Variants in NME9 observed in about 807,000 individuals in gnomAD.
NME9 encodes thioredoxin domain-containing protein 6.
Under a neutral mutation model 44.4 loss-of-function variants are expected in NME9, and 48 were observed. The ratio of observed to expected loss-of-function variants is 1.08; its 90% CI spans 0.86 to 1.37. The LOEUF (loss-of-function observed/expected upper bound fraction) is 1.37, where lower values mean the gene tolerates loss of function less well. Ranked by LOEUF, NME9 falls within the 40% of genes most tolerant of loss-of-function variation. NME9 has a pLI of 0.00. For missense variants in NME9, 325 were observed against 405.2 expected, an observed-to-expected ratio of 0.80 and a Z score of 1.70; for synonymous variants, 139 against 147.1, an observed-to-expected ratio of 0.94 and a Z score of 0.40.
At position 138,310,998 on chromosome 3, in the gene NME9, G is replaced by A. The variant is rs183573740; in HGVS notation, c.460+3334C>T. The stretch of plus-strand genomic sequence containing the variant: ...GATTTTTTGAAAAGATAAAATCAAC[G>A]AAACTTTAGCTAGACTAAGAAAAAG... On this transcript the variant is annotated intron_variant, in intron 6 of 10. Transcript: ENST00000333911. 2.6e-4 allele frequency among the ~76,000 whole-genome samples: 39 copies of A among 152,008 alleles called. No homozygotes were observed. In the East Asian group the frequency reaches 6.6e-3, roughly 26 times the overall value.
intron 8 of NME9, chr3:138,290,664 T>G: frequency 1.3e-6 from 2 of 1,489,126 alleles, no homozygotes; most frequent in East Asian, 4.6e-5. Flanking sequence ...GAAAAGGCCT[T>G]GCTTTGGGCT....
intron 8 of NME9, among the ~76,000 whole-genome samples, chr3:138,271,794 C>G (rs181226174): frequency 1.4e-5 from 2 of 138,962 alleles, no homozygotes; most frequent in Non-Finnish European, 3.0e-5. Flanking sequence ...TTTTTTTTTT[C>G]TTTCTTTTTT....
intron 8 of NME9, among the ~76,000 whole-genome samples, chr3:138,282,635 CA>C (rs760470914): frequency 0.031 from 1,452 of 47,528 alleles, 9 homozygotes; most frequent in African/African-American, 0.086. Context: ...GACTCCATCT[CA>C]AAAAAAAAAA....
chr3:138,312,672 A>G (rs796499467), intron 6 of NME9, among the ~76,000 whole-genome samples: 2 of 152,358 alleles, frequency 1.3e-5, no homozygotes, highest in African/African-American at 4.8e-5. Context: ...ACATTGGGGA[A>G]ATGCTCCAGG....
At position 138,306,486 on chromosome 3, in the gene NME9, C is replaced by A. The variant is rs1256887195; in HGVS notation, c.461-6G>T. 19 of 1,586,744 alleles carry A rather than the reference C, an allele frequency of 1.2e-5. No individual in the cohort carries two copies. The highest frequency in any genetic ancestry group is 7.2e-5 in the Admixed American group (4 of 55,634). ...ACAGGTCCTCTCTGATGAAACTAAG[C>A]CAAAAAATGGTGCTGTCAGATGCTG... On this transcript the variant is annotated splice_region_variant and splice_polypyrimidine_tract_variant and intron_variant, in intron 6 of 10. Transcript: ENST00000333911.
intron 8 of NME9, among the ~76,000 whole-genome samples, chr3:138,264,979 C>A (rs1364798145): frequency 6.6e-6 from 1 of 151,750 alleles, no homozygotes; most frequent in East Asian, 1.9e-4. Context: ...CTCACTGCAG[C>A]CTTGTGCCCC....
At chr3:138,318,372 GCTGTCCTATA>G (rs2053237556) in intron 3 of NME9, among the ~76,000 whole-genome samples, 153 bp from the exon 4 acceptor site, 1 of 152,076 alleles carries the variant, frequency 6.6e-6, no homozygotes, top group African/African-American at 2.4e-5. Context: ...GCTAATCAGA[GCTGTCCTATA>G]AAATTGCGGA....
At chr3:138,326,543 C>T (rs977417488) in intron 1 of NME9, among the ~76,000 whole-genome samples, 2 of 151,984 alleles carry the variant, frequency 1.3e-5, no homozygotes, top group Non-Finnish European at 2.9e-5. Context: ...AAGAGATTCT[C>T]CTGCCTCAGC....
At chr3:138,313,343 G>C (rs1366996660) in intron 6 of NME9, among the ~76,000 whole-genome samples, 1 of 152,158 alleles carries the variant, frequency 6.6e-6, no homozygotes, top group African/African-American at 2.4e-5. Flanking sequence ...AGTGAGCCAA[G>C]ATCACACCAC....
At position 138,328,804 on chromosome 3, in the gene NME9, T is replaced by C. The variant is rs114696733; in HGVS notation, c.33+499A>G. On this transcript the variant is annotated intron_variant, in intron 1 of 10. Coordinates refer to ENST00000333911, the MANE Select transcript of NME9 (RefSeq NM_001349018.2). ...TATATAACATATGTCCAGCACATAA[T>C]ATATCTCAAAACATATTTGTTAATA... Among the ~76,000 whole-genome samples, 912 of 152,306 alleles carry C rather than the reference T, an allele frequency of 6.0e-3. 8 individuals carry two copies. The highest frequency in any genetic ancestry group is 0.021 in the African/African-American group (874 of 41,546).
intron 8 of NME9, among the ~76,000 whole-genome samples, chr3:138,277,511 C>CTT (rs1320893005): frequency 4.6e-5 from 7 of 152,192 alleles, no homozygotes; most frequent in Non-Finnish European, 8.8e-5. Flanking sequence ...TGACAAATGA[C>CTT]TTGTGTCCAG....
chr3:138,272,652 G>A (rs1198651796), intron 8 of NME9, among the ~76,000 whole-genome samples: 4 of 152,154 alleles, frequency 2.6e-5, no homozygotes. Flanking sequence ...CAAAGCAAGT[G>A]GATCACGAGG....
At chr3:138,274,588 C>A in intron 8 of NME9, 1 of 1,448,134 alleles carries the variant, frequency 6.9e-7, no homozygotes, top group Non-Finnish European at 9.7e-7. Context: ...TGAATGTGAG[C>A]ACAAAGGAAG....
chr3:138,317,623 A>G (rs1455430799), intron 4 of NME9, among the ~76,000 whole-genome samples: 1 of 152,108 alleles, frequency 6.6e-6, no homozygotes, highest in African/African-American at 2.4e-5. Flanking sequence ...ATATCTTCAC[A>G]TTTTCTGATT....
chr3:138,262,595 A>AT (rs779543126), intron 8 of NME9: 2 of 1,561,022 alleles, frequency 1.3e-6, no homozygotes, highest in Non-Finnish European at 1.7e-6. Context: ...ACCTGAGGAG[A>AT]TTAAAAAAAA....
At chr3:138,326,655 G>C (rs1456249574) in intron 1 of NME9, among the ~76,000 whole-genome samples, 1 of 151,592 alleles carries the variant, frequency 6.6e-6, no homozygotes, top group Non-Finnish European at 1.5e-5. Flanking sequence ...GGCTGGTCGT[G>C]AACTCCTGAC....
intron 9 of NME9, among the ~76,000 whole-genome samples, chr3:138,304,487 G>A (rs1265655951): frequency 6.6e-6 from 1 of 152,238 alleles, no homozygotes; most frequent in Non-Finnish European, 1.5e-5. Context: ...ATGGCATTGA[G>A]ACTACAGTGC....
chr3:138,304,066 CTG>C (rs2052046367), intron 9 of NME9, among the ~76,000 whole-genome samples: 1 of 152,190 alleles, frequency 6.6e-6, no homozygotes, highest in African/African-American at 2.4e-5. Flanking sequence ...CTATGATTTC[CTG>C]TGTGTCAAGC....
At chr3:138,267,094 C>A in intron 8 of NME9, 3 of 834,742 alleles carry the variant, frequency 3.6e-6, no homozygotes, top group South Asian at 1.9e-5. Flanking sequence ...TTTTATATCT[C>A]ATTTTATATC....
Sources: gnomAD v4.1 joint callset for allele counts (sites outside exome capture counted in the v4.1 genomes callset) on GRCh38, gnomAD v4.1.1 for gene constraint, MANE v1.5 for transcripts, NCBI Gene and HGNC (gene_info 2026-07-23, HGNC 2026-07-21) for gene names.